DLGAP2: variants seen among roughly 807,000 people sequenced by gnomAD.
DLGAP2 encodes disks large-associated protein 2.
DLGAP2 carries 26 observed loss-of-function variants against 100.3 expected under a neutral mutation model. The ratio of observed to expected loss-of-function variants is 0.26; its 90% CI spans 0.19 to 0.36. The LOEUF (loss-of-function observed/expected upper bound fraction) is 0.36. Among genes scored for constraint, DLGAP2 ranks in the 10% least tolerant of loss-of-function variants. DLGAP2 has a pLI of 1.00. For missense variants in DLGAP2, 1,858 were observed against 1,453.2 expected, an observed-to-expected ratio of 1.28 and a Z score of -4.53; for synonymous variants, 886 against 630.1, an observed-to-expected ratio of 1.41 and a Z score of -6.08.
chr8:1,366,690 G>A (rs193265782), intron 3 of DLGAP2, among the ~76,000 whole-genome samples: 9 of 152,256 alleles, frequency 5.9e-5, no homozygotes, highest in Non-Finnish European at 1.3e-4. Flanking sequence ...GACAGGAGGT[G>A]AGCTGGGAAG....
chr8:1,110,302 G>A (rs1804911066), intron 2 of DLGAP2, among the ~76,000 whole-genome samples: 1 of 146,638 alleles, frequency 6.8e-6, no homozygotes, highest in Admixed American at 6.8e-5. Flanking sequence ...ACGGGTCTGT[G>A]ACATGTGCTG....
chr8:880,171 C>T (rs554322445), intron 1 of DLGAP2, among the ~76,000 whole-genome samples: 40 of 152,276 alleles, frequency 2.6e-4, no homozygotes, highest in African/African-American at 9.1e-4. Flanking sequence ...GGCCCCGCCC[C>T]TTCTCCCTCC....
At chr8:837,694 T>A (rs1268515309) in intron 1 of DLGAP2, among the ~76,000 whole-genome samples, 1 of 144,920 alleles carries the variant, frequency 6.9e-6, no homozygotes. Context: ...GTGTATATAA[T>A]ATGTATATAT....
rs752803192 is a variant in DLGAP2 at position 1,668,493 on chromosome 8, G to A, written c.1975G>A (p.Gly659Ser). 1.2e-5 allele frequency: 19 copies of A among 1,593,594 alleles called. No individual in the cohort carries two copies. The highest frequency in any genetic ancestry group is 1.6e-4 in the Middle Eastern group (1 of 6,066). ...GTCCCCGTGGCCCCAGGACAGCCGC[G>A]GCCTCTACAACTCCACGGACAGCCT... is the stretch of plus-strand genomic sequence containing the variant. ...RMSPWPQDSR[G>S]LYNSTDSLDS... The change falls in exon 9 of 15, where the codon GGC (glycine) becomes AGC (serine). Residue 659 changes from glycine to serine, a missense_variant. Physicochemically the swap from Gly to Ser is moderately conservative, Grantham distance 56. Coordinates refer to ENST00000637795, the MANE Select transcript of DLGAP2 (RefSeq NM_001346810.2).
chr8:1,392,369 T>G (rs562607694), intron 3 of DLGAP2, among the ~76,000 whole-genome samples: 1 of 152,212 alleles, frequency 6.6e-6, no homozygotes, highest in South Asian at 2.1e-4. Context: ...GGGGAGGGCT[T>G]CCCTTTCTTC....
intron 2 of DLGAP2, among the ~76,000 whole-genome samples, chr8:1,238,164 A>T (rs1395846092): frequency 1.1e-4 from 3 of 28,524 alleles, no homozygotes; most frequent in African/African-American, 2.1e-4. Flanking sequence ...ACATAGCGTC[A>T]TGTCTAGTTC....
At chr8:1,136,365 C>G (rs1241108690) in intron 2 of DLGAP2, among the ~76,000 whole-genome samples, 8 of 152,206 alleles carry the variant, frequency 5.3e-5, no homozygotes, top group Admixed American at 3.9e-4. Flanking sequence ...CGCAGCCTGT[C>G]CACAGCAGAT....
At chr8:1,086,261 T>C (rs1452935572) in intron 2 of DLGAP2, among the ~76,000 whole-genome samples, 3 of 152,232 alleles carry the variant, frequency 2.0e-5, no homozygotes, top group Non-Finnish European at 1.5e-5. Context: ...TTTTTTCTGC[T>C]GTCCAATTGC....
chr8:1,630,985 GGGTGTCCC>G (rs1797629794), intron 7 of DLGAP2, among the ~76,000 whole-genome samples: 1 of 89,764 alleles, frequency 1.1e-5, no homozygotes, highest in Admixed American at 1.3e-4. Context: ...CGGGAGGTCC[GGGTGTCCC>G]GAGGGTCTCG....
intron 3 of DLGAP2, among the ~76,000 whole-genome samples, chr8:1,314,528 C>A (rs1373808350): frequency 6.6e-6 from 1 of 152,212 alleles, no homozygotes; most frequent in South Asian, 2.1e-4. Context: ...TCAGGGGAGA[C>A]ATGGCCGAGT....
At chr8:1,264,860 T>C (rs1563050439) in intron 3 of DLGAP2, among the ~76,000 whole-genome samples, 1 of 152,058 alleles carries the variant, frequency 6.6e-6, no homozygotes, top group Non-Finnish European at 1.5e-5. Flanking sequence ...ATCATGAGGG[T>C]GAGTCTTTCC....
intron 2 of DLGAP2, among the ~76,000 whole-genome samples, chr8:1,170,735 T>A (rs1048604223): frequency 4.1e-4 from 62 of 150,300 alleles, no homozygotes; most frequent in Middle Eastern, 3.4e-3. Context: ...TGATATCCCC[T>A]TTATCATTTT....
chr8:1,060,922 T>G (rs145302640), intron 2 of DLGAP2, among the ~76,000 whole-genome samples: 104 of 152,344 alleles, frequency 6.8e-4, no homozygotes, highest in African/African-American at 2.5e-3. Flanking sequence ...GAGACTTACT[T>G]GCATTCTGAG....
At chr8:994,722 T>A (rs979718531) in intron 2 of DLGAP2, among the ~76,000 whole-genome samples, 1 of 152,192 alleles carries the variant, frequency 6.6e-6, no homozygotes, top group Non-Finnish European at 1.5e-5. Flanking sequence ...ATATGACTGC[T>A]GGGCATTGGA....
intron 9 of DLGAP2, among the ~76,000 whole-genome samples, 161 bp from the exon 10 acceptor site, chr8:1,669,582 C>T (rs889916855): frequency 1.3e-5 from 2 of 152,214 alleles, no homozygotes; most frequent in African/African-American, 2.4e-5. Flanking sequence ...TCTTGATTGC[C>T]GCTGGGGCGG....
chr8:1,192,711 G>T (rs560562250), intron 2 of DLGAP2, among the ~76,000 whole-genome samples: 3 of 149,624 alleles, frequency 2.0e-5, no homozygotes, highest in Non-Finnish European at 4.4e-5. Context: ...TAGGGTACGT[G>T]TGCACAATGT....
At chr8:996,935 C>A (rs1054517422) in intron 2 of DLGAP2, among the ~76,000 whole-genome samples, 1 of 152,184 alleles carries the variant, frequency 6.6e-6, no homozygotes, top group African/African-American at 2.4e-5. Flanking sequence ...TAGAATTTCG[C>A]TTTGGAACCC....
intron 1 of DLGAP2, among the ~76,000 whole-genome samples, chr8:845,018 TG>T (rs1168873513): frequency 1.3e-5 from 2 of 152,392 alleles, no homozygotes. Context: ...TTTTTATTGC[TG>T]AATGACATTC....
At chr8:1,314,454 C>A (rs1800682077) in intron 3 of DLGAP2, among the ~76,000 whole-genome samples, 1 of 152,236 alleles carries the variant, frequency 6.6e-6, no homozygotes, top group African/African-American at 2.4e-5. Context: ...CACTCTAGAG[C>A]TGTCTGTGCT....
Sources: gnomAD v4.1 joint callset for allele counts (sites outside exome capture counted in the v4.1 genomes callset) on GRCh38, gnomAD v4.1.1 for gene constraint, MANE v1.5 for transcripts, NCBI Gene and HGNC (gene_info 2026-07-23, HGNC 2026-07-21) for gene names.